MXD4: variants seen among roughly 807,000 people sequenced by gnomAD.
The protein encoded by MXD4 is Mad4 homolog.
Under a neutral mutation model 24.5 loss-of-function variants are expected in MXD4, and 16 were observed. The ratio of observed to expected loss-of-function variants is 0.65; its 90% confidence interval spans 0.44 to 0.99. The LOEUF (loss-of-function observed/expected upper bound fraction) is 0.99, where lower values mean the gene tolerates loss of function less well. Among genes scored for constraint, MXD4 ranks in the 50% least tolerant of loss-of-function variants. The pLI, the probability that MXD4 is intolerant of heterozygous loss-of-function variation, is 0.00. For missense variants in MXD4, 301 were observed against 301.5 expected (o/e 1.00, Z 0.01); for synonymous variants, 164 against 134.2 (o/e 1.22, Z -1.54).
chr4:2,252,723 C>G (rs1036511188), intron 3 of MXD4: 2 of 541,602 alleles, frequency 3.7e-6, no homozygotes, highest in Admixed American at 3.4e-5. Flanking sequence ...CCCCCAGACA[C>G]CTGGCAGAAG....
Position 2,261,715 on chromosome 4 carries a change from G to T in MXD4, c.164+10C>A. 7.4e-7 allele frequency: 1 copy of T among 1,354,850 alleles called. No individual in the cohort carries two copies. The highest frequency in any genetic ancestry group is 9.6e-7 in the Non-Finnish European group (1 of 1,043,188). 83.9% of individuals were successfully genotyped at this position (1,354,850 alleles called of 1,614,324 possible). On this transcript the variant is annotated intron_variant, in intron 2 of 5. Transcript: ENST00000337190. ...CCGGGCCGGGCGGGGTCGGGAGCGG[G>T]GGGCGGTACCTGTTGTTCGGGGCCT... is the stretch of plus-strand genomic sequence containing the variant.
Position 2,261,766 on chromosome 4 carries a change from T to C in MXD4, c.123A>G (p.Lys41=). ...TGCGCACCAGGCCGGCCGCCTTTGT[T>C]TTCTCCCTGGCGAAGTCGCCGTCGA... ...LPFDGDFARE[K]TKAAGLVRKA... The change falls in exon 2 of 6, where the codon AAA becomes AAG. Residue 41 remains lysine (K), a synonymous_variant. Transcript: ENST00000337190. 1 of 1,431,382 alleles carries C rather than the reference T, an allele frequency of 7.0e-7. No individual in the cohort carries two copies. The highest frequency in any genetic ancestry group is 9.2e-7 in the Non-Finnish European group (1 of 1,085,334). 88.7% of individuals were successfully genotyped at this position (1,431,382 alleles called of 1,614,324 possible).
At chr4:2,252,554 G>T in intron 3 of MXD4, 32 bp from the exon 4 acceptor site, 2 of 1,533,172 alleles carry the variant, frequency 1.3e-6, no homozygotes, top group South Asian at 1.1e-5. Context: ...CCATCAGGCT[G>T]GGGTGGGGGA....
At position 2,254,368 on chromosome 4, in the gene MXD4, A is replaced by G. The variant is rs1440640571; in HGVS notation, c.195-1846T>C. 16 of 152,366 alleles carry G rather than the reference A, an allele frequency of 1.1e-4. No individual in the cohort carries two copies. The East Asian group carries it at 3.1e-3, about 29-fold the overall frequency. The allele number at this position is 152,366 out of a possible 1,614,324, so 9.4% of individuals were successfully genotyped here. A position where few individuals can be genotyped will look rare whatever the true frequency, so the allele number is the denominator to read the frequency against. Reference sequence around the variant, plus strand: ...AATTTTGTTTAAAAAATAAAAGAGCAGACGCACACAAGAGACGACAGAATC... The same window carrying G: ...AATTTTGTTTAAAAAATAAAAGAGCGGACGCACACAAGAGACGACAGAATC... On this transcript the variant is annotated intron_variant, in intron 3 of 5. Coordinates refer to ENST00000337190, the MANE Select transcript of MXD4 (RefSeq NM_006454.3).
At position 2,252,204 on chromosome 4, in the gene MXD4, G is replaced by A. The variant is rs530382815; in HGVS notation, c.309+204C>T. Among the ~76,000 whole-genome samples the A allele has an allele frequency of 2.8e-4, 42 of 152,188 alleles. No homozygotes were observed. In the South Asian group the frequency reaches 7.7e-3, roughly 28 times the overall value. ...CCGACACAAGCCACGGAACAGCCTC[G>A]ACCCCTTGGCAGCTCCTGTTGCTGC... On this transcript the variant is annotated intron_variant, in intron 4 of 5. Coordinates refer to ENST00000337190, the MANE Select transcript of MXD4 (RefSeq NM_006454.3).
chr4:2,252,610 A>G, intron 3 of MXD4, 88 bp from the exon 4 acceptor site: 1 of 829,808 alleles, frequency 1.2e-6, no homozygotes, highest in Non-Finnish European at 1.9e-6. Context: ...CACCCCCACC[A>G]TCCACTGCTG....
chr4:2,255,625 G>T (rs1409939315), intron 3 of MXD4, among the ~76,000 whole-genome samples: 1 of 152,124 alleles, frequency 6.6e-6, no homozygotes, highest in African/African-American at 2.4e-5. Context: ...CCGCTGCAGT[G>T]CCCTGGGCCC....
chr4:2,250,713 A>G lies in MXD4; in HGVS notation c.473-12T>C. On this transcript the variant is annotated splice_polypyrimidine_tract_variant and intron_variant, in intron 5 of 5. Coordinates refer to ENST00000337190, the MANE Select transcript of MXD4 (RefSeq NM_006454.3). ...CTCTATGTCCACTTCTAGGGAGAAT[A>G]GAGTGGGGATGGGGTCAGGCCACTC... 8 of 1,611,526 alleles carry G rather than the reference A, an allele frequency of 5.0e-6. No homozygotes were observed. The highest frequency in any genetic ancestry group is 6.8e-6 in the Non-Finnish European group (8 of 1,178,532).
At chr4:2,250,823 C>G (rs1313606950) in intron 5 of MXD4, 122 bp from the exon 6 acceptor site, 2 of 1,332,700 alleles carry the variant, frequency 1.5e-6, no homozygotes, top group Non-Finnish European at 2.0e-6. Flanking sequence ...TGTCTGGGCC[C>G]TGGGGCAGCA....
chr4:2,259,827 G>A (rs1013901780), intron 2 of MXD4, among the ~76,000 whole-genome samples: 1 of 152,174 alleles, frequency 6.6e-6, no homozygotes, highest in Admixed American at 6.5e-5. Context: ...GACCCCAGGA[G>A]ACAAGCACAC....
chr4:2,255,825 G>A (rs1735414233), intron 3 of MXD4, among the ~76,000 whole-genome samples: 1 of 152,174 alleles, frequency 6.6e-6, no homozygotes, highest in African/African-American at 2.4e-5. Flanking sequence ...ATGCCCAGAG[G>A]GGGACCCAGG....
intron 3 of MXD4, chr4:2,253,606 C>T (rs1207825270): frequency 6.6e-6 from 1 of 152,252 alleles, no homozygotes; most frequent in African/African-American, 2.4e-5. Context: ...ACTTTCCCCA[C>T]GTGGTGCCAA....
At position 2,249,663 on chromosome 4, in the gene MXD4, C is replaced by G. The variant is rs1735271700; in HGVS notation, c.*881G>C. Reference sequence around the variant, plus strand: ...TTAACCAGCCTCCAGTTCACCCCAGCCCCAGCCAGGAAGAGAAGCCCCTCT... The same window carrying G: ...TTAACCAGCCTCCAGTTCACCCCAGGCCCAGCCAGGAAGAGAAGCCCCTCT... On this transcript the variant is annotated 3_prime_UTR_variant, in exon 6 of 6. Transcript: ENST00000337190. 1 of 152,240 alleles carries G rather than the reference C, an allele frequency of 6.6e-6. No homozygotes were observed. The highest frequency in any genetic ancestry group is 6.5e-5 in the Admixed American group (1 of 15,282). 9.4% of individuals were successfully genotyped at this position (152,240 alleles called of 1,614,324 possible). A position where few individuals can be genotyped will look rare whatever the true frequency, so the allele number is the denominator to read the frequency against.
In MXD4 at chr4:2,247,925, G is replaced by A. The variant is rs941471381; in HGVS notation, c.*2619C>T. On this transcript the variant is annotated 3_prime_UTR_variant, in exon 6 of 6. Transcript: ENST00000337190. ...GCGGGGGTTATCCTGGTATGCGGGAGCTGCCTTCCAATAAGGCTGGGGAAC... is the reference window on the plus strand; with the variant it reads ...GCGGGGGTTATCCTGGTATGCGGGAACTGCCTTCCAATAAGGCTGGGGAAC... 2.0e-5 allele frequency: 3 copies of A among 152,414 alleles called. No individual in the cohort carries two copies. The highest frequency in any genetic ancestry group is 2.9e-5 in the Non-Finnish European group (2 of 68,180). The allele number at this position is 152,414 out of a possible 1,614,324, so 9.4% of individuals were successfully genotyped here. A position where few individuals can be genotyped will look rare whatever the true frequency, so the allele number is the denominator to read the frequency against.
chr4:2,253,955 C>G (rs1039302596), intron 3 of MXD4: 2 of 152,312 alleles, frequency 1.3e-5, no homozygotes, highest in African/African-American at 4.8e-5. Context: ...TGCCGCCCCC[C>G]ACCCCAGGAA....
Position 2,249,537 on chromosome 4 carries a change from G to A in MXD4, c.*1007C>T, listed in dbSNP as rs1735268891. ...GAAGCCCTTTCCTAAGGTGGCTCCAGGAGCCCTAACCGGGCTGCTGGGCAG... is the reference window on the plus strand; with the variant it reads ...GAAGCCCTTTCCTAAGGTGGCTCCAAGAGCCCTAACCGGGCTGCTGGGCAG... On this transcript the variant is annotated 3_prime_UTR_variant, in exon 6 of 6. Transcript: ENST00000337190. 2 of 151,948 alleles carry A rather than the reference G, an allele frequency of 1.3e-5. No homozygotes were observed. Among genetic ancestry groups the A allele is most frequent in the Admixed American group, 1.3e-4 (2 of 15,264 alleles). The allele number at this position is 151,948 out of a possible 1,614,324, so 9.4% of individuals were successfully genotyped here.
At chr4:2,254,303 A>G (rs1186895331) in intron 3 of MXD4, 2 of 152,252 alleles carry the variant, frequency 1.3e-5, no homozygotes, top group African/African-American at 4.8e-5. Context: ...ATGTTAAGTG[A>G]AAAATTAGAA....
Position 2,250,056 on chromosome 4 carries a change from GTCCA to G in MXD4, c.*484_*487del, listed in dbSNP as rs1735284270. The stretch of plus-strand genomic sequence containing the variant: ...AGTTCCCGCCCTTCACAGACCCCTT[GTCCA>G]CGCCAGGAGCCTATGTGGACTGACA... On this transcript the variant is annotated 3_prime_UTR_variant, in exon 6 of 6. Transcript: ENST00000337190. 6.3e-6 allele frequency: 1 copy of G among 159,964 alleles called. No individual in the cohort carries two copies. Among genetic ancestry groups the G allele is most frequent in the African/African-American group, 2.4e-5 (1 of 41,618 alleles). The allele number at this position is 159,964 out of a possible 1,614,324, so 9.9% of individuals were successfully genotyped here.
intron 4 of MXD4, 54 bp downstream of exon 4, chr4:2,252,354 G>T: frequency 7.0e-7 from 1 of 1,438,074 alleles, no homozygotes; most frequent in Non-Finnish European, 9.8e-7. Flanking sequence ...CCCAGGGCGT[G>T]CAGGGACACT....
Sources: allele counts gnomAD v4.1 joint callset (sites outside exome capture counted in the v4.1 genomes callset), GRCh38; gene constraint gnomAD v4.1.1; transcripts MANE v1.5; gene names NCBI Gene and HGNC (gene_info 2026-07-23, HGNC 2026-07-21).